Variants in METTL21A observed in about 807,000 individuals in gnomAD.
METTL21A encodes methyltransferase 21A, HSPA lysine, also known as protein N-lysine methyltransferase METTL21A.
METTL21A carries 22 observed loss-of-function variants against 20.9 expected under a neutral mutation model. That is an observed-to-expected ratio of 1.05 (90% confidence interval 0.75 to 1.50). METTL21A has a LOEUF of 1.50. Among genes scored for constraint, METTL21A ranks in the 40% most tolerant of loss-of-function variants. The pLI, the probability that METTL21A is intolerant of heterozygous loss-of-function variation, is 0.00. For synonymous variants in METTL21A, 93 were observed against 102.0 expected (o/e 0.91, Z 0.53); for missense variants, 271 against 266.8 (o/e 1.02, Z -0.11).
intron 3 of METTL21A, chr2:207,598,827 G>A (rs1422001614): frequency 2.4e-5 from 4 of 163,830 alleles, no homozygotes; most frequent in East Asian, 1.1e-4. Flanking sequence ...CAGCCTGGGC[G>A]ACTCCATCTC....
chr2:207,587,550 C>G (rs1371292487), intron 3 of METTL21A, among the ~76,000 whole-genome samples: 2 of 152,002 alleles, frequency 1.3e-5, no homozygotes, highest in African/African-American at 4.8e-5. Context: ...AAATATCCAT[C>G]AACATATGAA....
At chr2:207,585,393 A>G (rs2083640787) in intron 3 of METTL21A, among the ~76,000 whole-genome samples, 1 of 152,192 alleles carries the variant, frequency 6.6e-6, no homozygotes, top group African/African-American at 2.4e-5. Context: ...TCAAATCCAG[A>G]GCACCCTACC....
chr2:207,621,614 TAGAG>T (rs959394602), intron 3 of METTL21A, among the ~76,000 whole-genome samples, 188 bp downstream of exon 3: 3 of 151,702 alleles, frequency 2.0e-5, no homozygotes, highest in Non-Finnish European at 4.4e-5. Context: ...AGACAGAAAT[TAGAG>T]AGAGAGAAAT....
chr2:207,620,751 C>A (rs543678021), intron 3 of METTL21A: 43 of 1,493,156 alleles, frequency 2.9e-5, no homozygotes, highest in Admixed American at 2.3e-5. Flanking sequence ...TCAACCACCA[C>A]CCCTGCCCAT....
chr2:207,585,551 C>T (rs1027773906), intron 3 of METTL21A, among the ~76,000 whole-genome samples: 1 of 152,106 alleles, frequency 6.6e-6, no homozygotes, highest in Non-Finnish European at 1.5e-5. Flanking sequence ...TCCAAAGGAA[C>T]ACAATAATTT....
downstream of METTL21A, among the ~76,000 whole-genome samples, chr2:207,608,670 G>A (rs909706219): frequency 3.9e-5 from 6 of 152,276 alleles, no homozygotes; most frequent in South Asian, 4.1e-4. Flanking sequence ...GGTGGCTCAC[G>A]CCTGTAATCC....
At chr2:207,608,410 TTC>T (rs992282598), downstream of METTL21A, among the ~76,000 whole-genome samples, 62 of 70,146 alleles carry the variant, frequency 8.8e-4, no homozygotes, top group African/African-American at 3.5e-3. Context: ...ACCCAACTAT[TTC>T]TGATGATTTT....
intron 3 of METTL21A, among the ~76,000 whole-genome samples, chr2:207,617,593 C>G (rs1161768073): frequency 6.6e-6 from 1 of 152,348 alleles, no homozygotes; most frequent in South Asian, 2.1e-4. Flanking sequence ...CTTACTAAGA[C>G]GCCTGGGATT....
intron 3 of METTL21A, chr2:207,597,785 C>G (rs1488482410): frequency 5.0e-6 from 1 of 199,070 alleles, no homozygotes; most frequent in Non-Finnish European, 1.0e-5. Context: ...AAGAAGTAAC[C>G]AACTGAACGA....
chr2:207,598,032 C>T (rs2086454288), intron 3 of METTL21A: 1 of 181,558 alleles, frequency 5.5e-6, no homozygotes, highest in African/African-American at 2.4e-5. Context: ...CATACCACCA[C>T]CAAGAAAGCC....
exon 3 of METTL21A, chr2:207,621,859 G>C (rs1410703815): frequency 6.2e-7 from 1 of 1,614,204 alleles, no homozygotes; most frequent in Admixed American, 1.7e-5. Context: ...CAGCTCCACG[G>C]CAGAGCGGCC....
intron 3 of METTL21A, among the ~76,000 whole-genome samples, chr2:207,594,837 A>G (rs780375276): frequency 1.3e-4 from 20 of 152,076 alleles, no homozygotes; most frequent in African/African-American, 3.4e-4. Flanking sequence ...ATTCCTACCA[A>G]CAGTACACAA....
Position 207,620,847 on chromosome 2 carries a change from A to T in METTL21A, c.259+959T>A, listed in dbSNP as rs913893309. 4.7e-5 allele frequency: 29 copies of T among 612,816 alleles called. No homozygotes were observed. In the East Asian group the frequency reaches 8.6e-4, roughly 18 times the overall value. The allele number at this position is 612,816 out of a possible 1,614,324, so 38.0% of individuals were successfully genotyped here. A position where few individuals can be genotyped will look rare whatever the true frequency, so the allele number is the denominator to read the frequency against. On this transcript the variant is annotated intron_variant, in intron 3 of 3. Transcript: ENST00000406927. ...TGGGTTTCTGGAAAACAGGCAGGAC[A>T]AAAGAGGGGCTTTAGCTGGTCCTCA...
At chr2:207,581,563 G>A (rs1051401633), downstream of METTL21A, 2 of 248,982 alleles carry the variant, frequency 8.0e-6, no homozygotes, top group African/African-American at 2.2e-5. Context: ...TCTAAAGTCA[G>A]TTTTTTTACT....
intron 3 of METTL21A, chr2:207,600,238 CATAT>C (rs71036937): frequency 0.039 from 5,635 of 145,390 alleles, 108 homozygotes; most frequent in African/African-American, 0.06. Flanking sequence ...TATATGTGTA[CATAT>C]ATATATATAT....
At chr2:207,619,252 A>T (rs2090184933) in intron 3 of METTL21A, among the ~76,000 whole-genome samples, 1 of 150,852 alleles carries the variant, frequency 6.6e-6, no homozygotes, top group African/African-American at 2.4e-5. Context: ...GACACCTGCC[A>T]GCCTGTTTAT....
At chr2:207,608,511 GA>G (rs1188928423), downstream of METTL21A, among the ~76,000 whole-genome samples, 2 of 151,988 alleles carry the variant, frequency 1.3e-5, no homozygotes, top group Admixed American at 1.3e-4. Flanking sequence ...TATGAAAACA[GA>G]AAACAACCCA....
At chr2:207,615,210 A>G (rs2089527249) in intron 3 of METTL21A, among the ~76,000 whole-genome samples, 1 of 152,146 alleles carries the variant, frequency 6.6e-6, no homozygotes, top group Non-Finnish European at 1.5e-5. Flanking sequence ...GAGTAGCTCA[A>G]CCTGTAATCC....
chr2:207,586,473 CA>C (rs1381582988), intron 3 of METTL21A, among the ~76,000 whole-genome samples: 1 of 152,124 alleles, frequency 6.6e-6, no homozygotes, highest in Non-Finnish European at 1.5e-5. Flanking sequence ...TAGAAGAAAA[CA>C]TGGGGGAAAT....
Sources: allele counts gnomAD v4.1 joint callset (sites outside exome capture counted in the v4.1 genomes callset), GRCh38; gene constraint gnomAD v4.1.1; transcripts MANE v1.5; gene names NCBI Gene and HGNC (gene_info 2026-07-23, HGNC 2026-07-21).